Variants in C12orf42 observed in about 807,000 individuals in gnomAD.
C12orf42 encodes the protein uncharacterized protein C12orf42.
A neutral mutation model predicts 21.6 loss-of-function variants in C12orf42; 25 were observed. The ratio of observed to expected loss-of-function variants is 1.16; its 90% CI spans 0.84 to 1.62. C12orf42 has a LOEUF of 1.62. Ranked by LOEUF, C12orf42 falls within the 40% of genes most tolerant of loss-of-function variation. The pLI is 0.00. For missense variants in C12orf42, 483 were observed against 459.3 expected (o/e 1.05, Z -0.47); for synonymous variants, 174 against 175.0 (o/e 0.99, Z 0.05).
At chr12:103,147,981 A>T in the C12orf42 span, among the ~76,000 whole-genome samples, 1 of 152,210 alleles carries the variant, frequency 6.6e-6, no homozygotes, top group Admixed American at 6.5e-5. Context: ...AAATGTTGGT[A>T]GCATCCCCTC....
chr12:103,525,569 T>C, the C12orf42 span, among the ~76,000 whole-genome samples: 1 of 152,130 alleles, frequency 6.6e-6, no homozygotes, highest in Admixed American at 6.6e-5. Flanking sequence ...TGAGGTAAAA[T>C]ATTATTATTA....
At chr12:103,391,149 T>A (rs1399489956) in intron 3 of C12orf42, among the ~76,000 whole-genome samples, 2 of 148,958 alleles carry the variant, frequency 1.3e-5, no homozygotes, top group African/African-American at 5.1e-5. Flanking sequence ...TATGATTGAA[T>A]CATATTCGGT....
intron 4 of C12orf42, among the ~76,000 whole-genome samples, chr12:103,319,597 A>G (rs997363071): frequency 6.6e-6 from 1 of 152,264 alleles, no homozygotes; most frequent in Non-Finnish European, 1.5e-5. Context: ...TAAACCATCT[A>G]TGCTTGATTA....
chr12:103,465,453 T>C, intron 2 of C12orf42, among the ~76,000 whole-genome samples: 1 of 152,234 alleles, frequency 6.6e-6, no homozygotes, highest in East Asian at 1.9e-4. Flanking sequence ...TGATTTTGTA[T>C]CCTGAGACTT....
At chr12:103,332,835 C>T (rs1478574438) in intron 4 of C12orf42, among the ~76,000 whole-genome samples, 1 of 152,194 alleles carries the variant, frequency 6.6e-6, no homozygotes, top group Non-Finnish European at 1.5e-5. Flanking sequence ...TCCTGCAAAT[C>T]CTAAAATATT....
the C12orf42 span, among the ~76,000 whole-genome samples, chr12:103,121,364 G>A: frequency 6.6e-6 from 1 of 152,200 alleles, no homozygotes; most frequent in Admixed American, 6.5e-5. Flanking sequence ...TCAGCAGGCT[G>A]AATAGAAGCC....
chr12:103,446,455 A>T (rs1247974173), intron 2 of C12orf42, among the ~76,000 whole-genome samples: 2 of 152,066 alleles, frequency 1.3e-5, no homozygotes, highest in Admixed American at 1.3e-4. Flanking sequence ...ACACAATTTT[A>T]AAAAAGGTAT....
intron 4 of C12orf42, among the ~76,000 whole-genome samples, chr12:103,315,465 AT>A (rs1425728034): frequency 1.3e-5 from 2 of 152,130 alleles, no homozygotes; most frequent in African/African-American, 2.4e-5. Flanking sequence ...TAGTTTGGAA[AT>A]GGCCAAAGAA....
chr12:103,111,183 T>C, the C12orf42 span, among the ~76,000 whole-genome samples: 1 of 152,192 alleles, frequency 6.6e-6, no homozygotes, highest in Non-Finnish European at 1.5e-5. Flanking sequence ...AAAATGAAAA[T>C]GAAACATTAA....
At chr12:103,461,359 T>C (rs904719459) in intron 2 of C12orf42, among the ~76,000 whole-genome samples, 14 of 152,278 alleles carry the variant, frequency 9.2e-5, no homozygotes, top group African/African-American at 3.4e-4. Context: ...ACATTGTCCA[T>C]TTTAGAGGAC....
At chr12:103,505,208 T>C in the C12orf42 span, among the ~76,000 whole-genome samples, 1 of 152,124 alleles carries the variant, frequency 6.6e-6, no homozygotes, top group Non-Finnish European at 1.5e-5. Context: ...AAACATCTAT[T>C]GAGAGAAGGA....
chr12:103,471,456 A>G (rs1009339009), intron 2 of C12orf42, among the ~76,000 whole-genome samples: 6 of 152,254 alleles, frequency 3.9e-5, no homozygotes, highest in Non-Finnish European at 8.8e-5. Context: ...GGTCAATTTC[A>G]TTTAAAATAA....
the C12orf42 span, among the ~76,000 whole-genome samples, chr12:103,132,112 A>G: frequency 6.6e-6 from 1 of 152,168 alleles, no homozygotes. Context: ...AGTATTAGAT[A>G]TAATCCTTTT....
At chr12:103,115,155 A>T in the C12orf42 span, among the ~76,000 whole-genome samples, 1 of 152,220 alleles carries the variant, frequency 6.6e-6, no homozygotes, top group Non-Finnish European at 1.5e-5. Flanking sequence ...TTCAAAATTA[A>T]TCTCTCATAC....
intron 2 of C12orf42, among the ~76,000 whole-genome samples, chr12:103,436,796 A>G (rs1009025973): frequency 1.4e-4 from 21 of 152,214 alleles, no homozygotes; most frequent in African/African-American, 4.6e-4. Context: ...ACTCCCACAC[A>G]TTAATAATGG....
the C12orf42 span, among the ~76,000 whole-genome samples, chr12:103,528,810 G>A: frequency 1.3e-5 from 2 of 152,146 alleles, no homozygotes; most frequent in Non-Finnish European, 2.9e-5. Context: ...CACCAACTTT[G>A]TGCCAAATGC....
At chr12:103,342,609 A>C (rs2042258471) in intron 4 of C12orf42, among the ~76,000 whole-genome samples, 1 of 151,964 alleles carries the variant, frequency 6.6e-6, no homozygotes, top group Non-Finnish European at 1.5e-5. Flanking sequence ...TAAGTTTAAA[A>C]AAGAAAAAAA....
chr12:103,052,708 C>A, the C12orf42 span, among the ~76,000 whole-genome samples: 2 of 151,774 alleles, frequency 1.3e-5, no homozygotes, highest in African/African-American at 4.8e-5. Flanking sequence ...GCTGTTATAT[C>A]CTATTTAAAA....
downstream of C12orf42, among the ~76,000 whole-genome samples, chr12:103,265,882 T>C (rs2076372814): frequency 6.6e-6 from 1 of 152,120 alleles, no homozygotes; most frequent in African/African-American, 2.4e-5. Flanking sequence ...ACTGCCATCT[T>C]GAATCTTTTG....
Sources: allele counts gnomAD v4.1 joint callset (sites outside exome capture counted in the v4.1 genomes callset), GRCh38; gene constraint gnomAD v4.1.1; transcripts MANE v1.5; gene names NCBI Gene and HGNC (gene_info 2026-07-23, HGNC 2026-07-21).